Variants in CCDC93 observed in about 807,000 individuals in gnomAD.
CCDC93 encodes coiled-coil domain-containing protein 93.
Under a neutral mutation model 108.2 loss-of-function variants are expected in CCDC93, and 61 were observed. That is an observed-to-expected ratio of 0.56 (90% CI 0.46 to 0.70). The LOEUF (loss-of-function observed/expected upper bound fraction) is 0.70. Ranked by LOEUF, CCDC93 falls within the 30% of genes least tolerant of loss-of-function variation. CCDC93 has a pLI of 0.00. For missense variants in CCDC93, 685 were observed against 764.2 expected, an observed-to-expected ratio of 0.90 and a Z score of 1.22; for synonymous variants, 276 against 260.4, an observed-to-expected ratio of 1.06 and a Z score of -0.58.
chr2:117,995,460 C>T lies in CCDC93; in HGVS notation c.505G>A (p.Val169Ile). The change falls in exon 6 of 24, where the codon GTT (valine) becomes ATT (isoleucine). Residue 169 changes from valine to isoleucine, a missense_variant. Transcript: ENST00000376300. The stretch of plus-strand genomic sequence containing the variant: ...AGGGGACTTACTGAGAGGTCCACAA[C>T]TGTCTTGATGGCCTTTTCTTTTCTC... Reference protein sequence around the residue: ...IKRKEKAIKTVVDLSEVYKPR... With the variant: ...IKRKEKAIKTIVDLSEVYKPR... 1 of 1,613,404 alleles carries T rather than the reference C, an allele frequency of 6.2e-7. No individual in the cohort carries two copies.
chr2:117,986,357 G>GC lies in CCDC93; in HGVS notation c.520-289dup, dbSNP rs964206131. On this transcript the variant is annotated intron_variant, in intron 6 of 23. Coordinates refer to ENST00000376300, the MANE Select transcript of CCDC93 (RefSeq NM_019044.5). ...AGTGATCAATAAATGCAGGTCTTCA[G>GC]CCCCAATGAAGTGGTCTGCCATGCT... is the stretch of plus-strand genomic sequence containing the variant. Among the ~76,000 whole-genome samples the GC allele has an allele frequency of 3.1e-4, 47 of 152,138 alleles. No individual in the cohort carries two copies. The South Asian group carries it at 7.5e-3, about 24-fold the overall frequency.
Position 118,014,039 on chromosome 2 carries a change from C to T in CCDC93, c.-44G>A, listed in dbSNP as rs748929379. The T allele has an allele frequency of 1.9e-6, 3 of 1,579,208 alleles. No individual in the cohort carries two copies. Among genetic ancestry groups the T allele is most frequent in the Non-Finnish European group, 1.7e-6 (2 of 1,163,648 alleles). The stretch of plus-strand genomic sequence containing the variant: ...TAAGGCGAGAGCGAAGCCCGCCAAG[C>T]GTCCGGAGGAAGCTGTCCCTGCCGC... On this transcript the variant is annotated 5_prime_UTR_variant, in exon 1 of 24. Coordinates refer to ENST00000376300, the MANE Select transcript of CCDC93 (RefSeq NM_019044.5).
chr2:118,003,803 A>G (rs1676785340), intron 3 of CCDC93, among the ~76,000 whole-genome samples: 1 of 152,190 alleles, frequency 6.6e-6, no homozygotes, highest in Non-Finnish European at 1.5e-5. Flanking sequence ...AGCCAAGGTG[A>G]GGACATGGAG....
intron 11 of CCDC93, among the ~76,000 whole-genome samples, chr2:117,972,795 T>A (rs1264443785): frequency 6.6e-6 from 1 of 152,192 alleles, no homozygotes; most frequent in African/African-American, 2.4e-5. Context: ...ATAACAAACA[T>A]CCTTTTCTGG....
intron 1 of CCDC93, among the ~76,000 whole-genome samples, chr2:118,013,651 G>A (rs1677080825): frequency 6.6e-6 from 1 of 152,210 alleles, no homozygotes; most frequent in Non-Finnish European, 1.5e-5. Context: ...AAAGGTGGGA[G>A]CCCAGGACCC....
At chr2:117,923,891 A>G (rs1677981277) in intron 23 of CCDC93, among the ~76,000 whole-genome samples, 1 of 152,182 alleles carries the variant, frequency 6.6e-6, no homozygotes, top group Non-Finnish European at 1.5e-5. Context: ...GTAGGGGCAC[A>G]TTGACACATC....
chr2:117,936,868 TTAAAG>T (rs1367250885), intron 20 of CCDC93, 129 bp from the exon 21 acceptor site: 53 of 745,304 alleles, frequency 7.1e-5, no homozygotes, highest in Admixed American at 3.3e-4. Flanking sequence ...TTTATGAAGA[TTAAAG>T]TAACATATGA....
chr2:118,007,808 T>C (rs1359827393), intron 2 of CCDC93, among the ~76,000 whole-genome samples: 1 of 152,256 alleles, frequency 6.6e-6, no homozygotes, highest in Non-Finnish European at 1.5e-5. Context: ...GAGTGAATCC[T>C]GGGTTCTGTA....
rs1573482252 is a variant in CCDC93 at position 117,951,586 on chromosome 2, C to A, written c.1068+787G>T. On this transcript the variant is annotated intron_variant, in intron 13 of 23. Coordinates refer to ENST00000376300, the MANE Select transcript of CCDC93 (RefSeq NM_019044.5). ...TCTTTGAAGATCCTAGCTTCCAAAT[C>A]GTCCAGGAAGTACGAGGTAGGGACC... 4 of 1,000,136 alleles carry A rather than the reference C, an allele frequency of 4.0e-6. No individual in the cohort carries two copies. In the South Asian group the frequency reaches 1.4e-4, roughly 35 times the overall value. 62.0% of individuals were successfully genotyped at this position (1,000,136 alleles called of 1,614,324 possible).
At chr2:117,925,561 A>G (rs891948837) in intron 23 of CCDC93, among the ~76,000 whole-genome samples, 1 of 152,262 alleles carries the variant, frequency 6.6e-6, no homozygotes, top group Non-Finnish European at 1.5e-5. Context: ...CAATTCAACA[A>G]GAAGAGCTAA....
At position 117,998,089 on chromosome 2, in the gene CCDC93, A is replaced by G. The variant is rs557148292; in HGVS notation, c.364-1727T>C. 5.3e-5 allele frequency: 8 copies of G among 152,352 alleles called. No homozygotes were observed. The South Asian group carries it at 1.7e-3, about 32-fold the overall frequency. The allele number at this position is 152,352 out of a possible 1,614,324, so 9.4% of individuals were successfully genotyped here. A position where few individuals can be genotyped will look rare whatever the true frequency, so the allele number is the denominator to read the frequency against. On this transcript the variant is annotated intron_variant, in intron 4 of 23. Coordinates refer to ENST00000376300, the MANE Select transcript of CCDC93 (RefSeq NM_019044.5). ...CCACAGGTTCCCTAGCACTCAAGAAAAATATTGACCTTCACAGGAGTCACA... is the reference window on the plus strand; with the variant it reads ...CCACAGGTTCCCTAGCACTCAAGAAGAATATTGACCTTCACAGGAGTCACA...
intron 11 of CCDC93, among the ~76,000 whole-genome samples, chr2:117,966,382 C>T (rs960840675): frequency 6.6e-6 from 1 of 152,210 alleles, no homozygotes; most frequent in African/African-American, 2.4e-5. Flanking sequence ...AAGACAGAGA[C>T]AAAGTGAAGC....
chr2:117,973,891 G>C lies in CCDC93; in HGVS notation c.888+17C>G, dbSNP rs1235260063. ...AGCATTATCTGGGGCACAGACTCCA[G>C]CTGGGCCCCCACCTACCTTCTCTGC... On this transcript the variant is annotated intron_variant, in intron 11 of 23. Transcript: ENST00000376300. 5 of 1,586,996 alleles carry C rather than the reference G, an allele frequency of 3.2e-6. No homozygotes were observed. The South Asian group carries it at 4.5e-5, about 14-fold the overall frequency.
In CCDC93 at chr2:117,995,612, C is replaced by T; in HGVS notation, c.463-110G>A. 5 of 831,332 alleles carry T rather than the reference C, an allele frequency of 6.0e-6. No homozygotes were observed. In the South Asian group the frequency reaches 7.7e-5, roughly 13 times the overall value. The allele number at this position is 831,332 out of a possible 1,614,324, so 51.5% of individuals were successfully genotyped here. A position where few individuals can be genotyped will look rare whatever the true frequency, so the allele number is the denominator to read the frequency against. On this transcript the variant is annotated intron_variant, in intron 5 of 23. Coordinates refer to ENST00000376300, the MANE Select transcript of CCDC93 (RefSeq NM_019044.5). ...ACTTCTCATCTCATCACTACTTTGCCTGACGAAGTCTCAATTTTCGAACAA... is the reference window on the plus strand; with the variant it reads ...ACTTCTCATCTCATCACTACTTTGCTTGACGAAGTCTCAATTTTCGAACAA...
intron 6 of CCDC93, among the ~76,000 whole-genome samples, chr2:117,995,075 G>A (rs1036871032): frequency 3.9e-5 from 6 of 152,158 alleles, no homozygotes; most frequent in African/African-American, 1.4e-4. Flanking sequence ...CTCTGTCTAT[G>A]CAAAGCCATC....
chr2:117,977,968 T>A (rs1409962849), intron 8 of CCDC93, 26 bp downstream of exon 8: 1 of 1,606,162 alleles, frequency 6.2e-7, no homozygotes, highest in East Asian at 2.2e-5. Context: ...TCAAGTATTC[T>A]CTCTTACTAT....
intron 3 of CCDC93, among the ~76,000 whole-genome samples, chr2:118,003,575 CATACATA>C (rs1676775749): frequency 6.6e-6 from 1 of 152,088 alleles, no homozygotes; most frequent in Non-Finnish European, 1.5e-5. Flanking sequence ...TGCCTAGAAC[CATACATA>C]ATAGCTTAAA....
rs188531075 is a variant in CCDC93 at position 117,962,075 on chromosome 2, G to A, written c.889-3594C>T. Among the ~76,000 whole-genome samples the A allele has an allele frequency of 3.9e-5, 6 of 152,262 alleles. No homozygotes were observed. The South Asian group carries it at 6.2e-4, about 16-fold the overall frequency. ...AGAGGAAACAGATTTAAATGTCACCGAATAATATTAGTCTAGTTCAAAATG... is the reference window on the plus strand; with the variant it reads ...AGAGGAAACAGATTTAAATGTCACCAAATAATATTAGTCTAGTTCAAAATG... On this transcript the variant is annotated intron_variant, in intron 11 of 23. Transcript: ENST00000376300.
chr2:117,945,756 A>G (rs1166492489), intron 16 of CCDC93, among the ~76,000 whole-genome samples, 174 bp from the exon 17 acceptor site: 3 of 152,204 alleles, frequency 2.0e-5, no homozygotes, highest in African/African-American at 7.2e-5. Flanking sequence ...CCCTTAGATG[A>G]GCAGCAGATT....
Sources: allele counts gnomAD v4.1 joint callset (sites outside exome capture counted in the v4.1 genomes callset), GRCh38; gene constraint gnomAD v4.1.1; transcripts MANE v1.5; gene names NCBI Gene and HGNC (gene_info 2026-07-23, HGNC 2026-07-21).